The following NBEA variants were observed in gnomAD, a reference collection of about 807,000 sequenced individuals.
The protein encoded by NBEA is neurobeachin.
A neutral mutation model predicts 343.4 loss-of-function variants in NBEA; 44 were observed. The ratio of observed to expected loss-of-function variants is 0.13; its 90% CI spans 0.10 to 0.16. The LOEUF (loss-of-function observed/expected upper bound fraction) is 0.16, where lower values mean the gene tolerates loss of function less well. Among genes scored for constraint, NBEA ranks in the 10% least tolerant of loss-of-function variants. The pLI, the probability that NBEA is intolerant of heterozygous loss-of-function variation, is 1.00. For missense variants in NBEA, 2,555 were observed against 3,631.3 expected, an observed-to-expected ratio of 0.70 and a Z score of 7.62; for synonymous variants, 1,175 against 1,238.7, an observed-to-expected ratio of 0.95 and a Z score of 1.08.
intron 43 of NBEA, among the ~76,000 whole-genome samples, chr13:35,551,462 C>T (rs2079321079): frequency 6.6e-6 from 1 of 151,956 alleles, no homozygotes; most frequent in African/African-American, 2.4e-5. Context: ...GGGTAATAGT[C>T]ATTAATTATG....
chr13:35,582,459 A>G (rs2081098634), intron 45 of NBEA, among the ~76,000 whole-genome samples: 1 of 152,148 alleles, frequency 6.6e-6, no homozygotes, highest in Non-Finnish European at 1.5e-5. Context: ...TCCCTTTTTT[A>G]CATCTATCTA....
rs78574373 is a variant in NBEA at position 35,407,534 on chromosome 13, G to A, written c.6180-24735G>A. Among the ~76,000 whole-genome samples, 15 of 146,238 alleles carry A rather than the reference G, an allele frequency of 1.0e-4. No homozygotes were observed. The South Asian group carries it at 2.6e-3, about 25-fold the overall frequency. ...CATCATTTCAAAAAAAAAAAAAAAG[G>A]CTGTAAGCCTCTGATAAGATTATTT... On this transcript the variant is annotated intron_variant, in intron 38 of 58. Transcript: ENST00000379939.
chr13:35,072,213 A>G (rs1425477300), intron 10 of NBEA, among the ~76,000 whole-genome samples: 1 of 152,146 alleles, frequency 6.6e-6, no homozygotes, highest in Non-Finnish European at 1.5e-5. Flanking sequence ...TGAAGTAGCC[A>G]CTAGAAAAAT....
chr13:35,415,665 T>C (rs552464319), intron 38 of NBEA, among the ~76,000 whole-genome samples: 6,951 of 152,066 alleles, frequency 0.046, 204 homozygotes, highest in African/African-American at 0.063. Flanking sequence ...AGTCAGGTAG[T>C]GTGATGCCTC....
intron 38 of NBEA, among the ~76,000 whole-genome samples, chr13:35,363,411 G>A (rs2040923125): frequency 6.6e-6 from 1 of 151,760 alleles, no homozygotes; most frequent in African/African-American, 2.4e-5. Context: ...AAAAGTAAAT[G>A]TACCCTATCA....
At chr13:35,597,254 C>A (rs1245997590) in intron 47 of NBEA, among the ~76,000 whole-genome samples, 1 of 152,116 alleles carries the variant, frequency 6.6e-6, no homozygotes, top group Non-Finnish European at 1.5e-5. Context: ...AGTGTAGCTG[C>A]TAAAATAAAC....
At chr13:35,435,754 A>G (rs1269507136) in intron 39 of NBEA, among the ~76,000 whole-genome samples, 1 of 152,204 alleles carries the variant, frequency 6.6e-6, no homozygotes, top group East Asian at 1.9e-4. Flanking sequence ...AAATGAGCTT[A>G]GAAACCTTTT....
At chr13:35,068,476 C>T (rs1014488902) in intron 8 of NBEA, among the ~76,000 whole-genome samples, 5 of 152,102 alleles carry the variant, frequency 3.3e-5, no homozygotes, top group African/African-American at 1.2e-4. Context: ...TGTTTAACAA[C>T]TTATCTGTGT....
intron 56 of NBEA, among the ~76,000 whole-genome samples, chr13:35,666,137 G>A (rs866950631): frequency 7.0e-6 from 1 of 143,176 alleles, no homozygotes; most frequent in South Asian, 2.3e-4. Context: ...GATGGGAGGG[G>A]CCTGGGGCAC....
At chr13:35,329,851 T>A (rs1031800068) in intron 36 of NBEA, among the ~76,000 whole-genome samples, 1 of 150,890 alleles carries the variant, frequency 6.6e-6, no homozygotes, top group Non-Finnish European at 1.5e-5. Flanking sequence ...TCATTACTTA[T>A]AAAGTTCAGG....
rs183928541 is a variant in NBEA, at chr13:35,426,659, G to C, written c.6180-5610G>C. 4.3e-3 allele frequency among the ~76,000 whole-genome samples: 649 copies of C among 152,072 alleles called. 6 individuals are homozygous for C. Among genetic ancestry groups the C allele is most frequent in the African/African-American group, 0.015 (623 of 41,456 alleles). ...TCTTCTCGAGGAGTATCTTTGTGGC[G>C]GTCTCTGTATTTCCTGAATTTGAAT... On this transcript the variant is annotated intron_variant, in intron 38 of 58. Coordinates refer to ENST00000379939, the MANE Select transcript of NBEA (RefSeq NM_001385012.1).
chr13:34,972,959 A>G (rs555018563), intron 1 of NBEA, among the ~76,000 whole-genome samples: 25 of 152,090 alleles, frequency 1.6e-4, no homozygotes, highest in Middle Eastern at 3.4e-3. Context: ...ATTCTTTCTC[A>G]TCTTTGTGGA....
At chr13:35,610,520 A>G (rs565102261) in intron 48 of NBEA, among the ~76,000 whole-genome samples, 5 of 152,278 alleles carry the variant, frequency 3.3e-5, no homozygotes, top group Non-Finnish European at 1.5e-5. Flanking sequence ...GGAAGGTTTC[A>G]GTCCTTACAT....
chr13:35,200,986 A>G lies in NBEA; in HGVS notation c.5366+4684A>G, dbSNP rs1382552619. On this transcript the variant is annotated intron_variant, in intron 31 of 58. Transcript: ENST00000379939. The stretch of plus-strand genomic sequence containing the variant: ...TATGAAAAATTATAATTACTTCTGA[A>G]GACTTCAATTTGTTCTTATTACTAT... Among the ~76,000 whole-genome samples the G allele has an allele frequency of 2.5e-5, 3 of 118,642 alleles. No homozygotes were observed. In the East Asian group the frequency reaches 7.5e-4, roughly 30 times the overall value. 77.8% of individuals were successfully genotyped at this position (118,642 alleles called of 152,430 possible).
At chr13:35,652,941 A>G (rs370050007) in intron 53 of NBEA, among the ~76,000 whole-genome samples, 161 of 150,402 alleles carry the variant, frequency 1.1e-3, no homozygotes, top group African/African-American at 3.7e-3. Flanking sequence ...TGATCTGCCC[A>G]TCTCTGCCTC....
chr13:35,040,449 A>G (rs1261502648), intron 1 of NBEA, among the ~76,000 whole-genome samples: 2 of 151,612 alleles, frequency 1.3e-5, no homozygotes, highest in Admixed American at 1.3e-4. Flanking sequence ...CATTATTTCA[A>G]TATTTCTTAT....
chr13:35,185,882 A>C (rs894326794), intron 30 of NBEA: 1 of 152,142 alleles, frequency 6.6e-6, no homozygotes, highest in African/African-American at 2.4e-5. Flanking sequence ...TGTCTGTCAA[A>C]TATTTTTCAT....
chr13:35,499,041 C>T (rs1163831855), intron 41 of NBEA, among the ~76,000 whole-genome samples: 1 of 152,064 alleles, frequency 6.6e-6, no homozygotes, highest in Non-Finnish European at 1.5e-5. Context: ...ATTATAATCA[C>T]TTTAAGAAGA....
chr13:35,539,179 T>C (rs73171539), intron 41 of NBEA, among the ~76,000 whole-genome samples: 5,126 of 152,220 alleles, frequency 0.034, 112 homozygotes, highest in South Asian at 0.1. Flanking sequence ...GTCAATAGGT[T>C]AGTGGGAGAC....
Sources: allele counts gnomAD v4.1 joint callset (sites outside exome capture counted in the v4.1 genomes callset), GRCh38; gene constraint gnomAD v4.1.1; transcripts MANE v1.5; gene names NCBI Gene and HGNC (gene_info 2026-07-23, HGNC 2026-07-21).